The following ADCY10 variants were observed in gnomAD, a reference collection of about 807,000 sequenced individuals.
The protein encoded by ADCY10 is adenylate cyclase type 10.
ADCY10 carries 156 observed loss-of-function variants against 183.3 expected under a neutral mutation model. That is an observed-to-expected ratio of 0.85 (90% CI 0.75 to 0.97). The LOEUF is 0.97. Ranked by LOEUF, ADCY10 falls within the 50% of genes least tolerant of loss-of-function variation. The pLI is 0.00. For missense variants in ADCY10, 1,745 were observed against 1,934.3 expected, an observed-to-expected ratio of 0.90 and a Z score of 1.84; for synonymous variants, 645 against 670.0, an observed-to-expected ratio of 0.96 and a Z score of 0.58.
Position 167,893,956 on chromosome 1 carries a change from G to T in ADCY10, c.740-15C>A. 6.2e-7 allele frequency: 1 copy of T among 1,600,898 alleles called. No homozygotes were observed. The highest frequency in any genetic ancestry group is 2.2e-5 in the East Asian group (1 of 44,732). On this transcript the variant is annotated splice_polypyrimidine_tract_variant and intron_variant, in intron 7 of 32. Coordinates refer to ENST00000367851, the MANE Select transcript of ADCY10 (RefSeq NM_018417.6). The stretch of plus-strand genomic sequence containing the variant: ...CCTCAGGAGGTCTAAGAAGGCAGAA[G>T]GAGGGTGCAGGCTCAGAGAGGGAAG...
chr1:167,856,874 C>G (rs1434788400), intron 16 of ADCY10, among the ~76,000 whole-genome samples: 1 of 152,186 alleles, frequency 6.6e-6, no homozygotes, highest in Admixed American at 6.5e-5. Context: ...TTACTGAGCA[C>G]CCCCTGGGCT....
rs375159922 is a variant in ADCY10, at chr1:167,832,072, A to G, written c.3593+915T>C. Among the ~76,000 whole-genome samples the G allele has an allele frequency of 6.6e-5, 10 of 152,252 alleles. No homozygotes were observed. The East Asian group carries it at 1.9e-3, about 29-fold the overall frequency. ...AAGGAACATGTTTGGAAGCTGGGGA[A>G]GGCAGTTTCTGATGGGGTTGCAAAA... On this transcript the variant is annotated intron_variant, in intron 25 of 32. Transcript: ENST00000367851.
At chr1:167,827,718 AAT>A (rs780764085) in intron 26 of ADCY10, among the ~76,000 whole-genome samples, 6 of 120,352 alleles carry the variant, frequency 5.0e-5, no homozygotes, top group Admixed American at 1.7e-4. Context: ...AAAAAAAAAA[AAT>A]TTTTTTTTTT....
At chr1:167,878,043 A>G (rs1213733356) in intron 12 of ADCY10, among the ~76,000 whole-genome samples, 10 of 152,214 alleles carry the variant, frequency 6.6e-5, no homozygotes, top group Admixed American at 6.5e-4. Flanking sequence ...GTATTTCACT[A>G]AAGACTTAGA....
At chr1:167,905,303 G>A (rs1669737002) in intron 1 of ADCY10, 105 bp from the exon 2 acceptor site, 4 of 873,096 alleles carry the variant, frequency 4.6e-6, no homozygotes. Context: ...TGCTTATAGT[G>A]GTGAAAATGC....
intron 21 of ADCY10, among the ~76,000 whole-genome samples, chr1:167,837,592 C>A (rs528803495): frequency 1.1e-3 from 161 of 152,280 alleles, no homozygotes; most frequent in African/African-American, 3.8e-3. Flanking sequence ...ATTCTAAGAA[C>A]CTGAAGGATA....
At chr1:167,865,047 C>T (rs371049638) in intron 14 of ADCY10, among the ~76,000 whole-genome samples, 5 of 151,766 alleles carry the variant, frequency 3.3e-5, no homozygotes, top group South Asian at 2.1e-4. Flanking sequence ...GAATTATCTG[C>T]GAAAGTCATA....
intron 2 of ADCY10, among the ~76,000 whole-genome samples, 156 bp from the exon 3 acceptor site, chr1:167,904,147 G>C (rs1054209745): frequency 6.7e-6 from 1 of 149,024 alleles, no homozygotes; most frequent in Non-Finnish European, 1.5e-5. Flanking sequence ...GAGGGCAATG[G>C]TGTGATCTCA....
chr1:167,854,154 T>C (rs1665709022), intron 18 of ADCY10, among the ~76,000 whole-genome samples, 199 bp downstream of exon 18: 1 of 152,040 alleles, frequency 6.6e-6, no homozygotes, highest in African/African-American at 2.4e-5. Context: ...AGACAATCTT[T>C]AGCCGAGTCC....
chr1:167,883,149 T>G (rs909902711), intron 9 of ADCY10, among the ~76,000 whole-genome samples: 1 of 152,258 alleles, frequency 6.6e-6, no homozygotes, highest in Non-Finnish European at 1.5e-5. Context: ...GCCATTGTCC[T>G]GCCTCAGCCT....
At chr1:167,830,872 G>A (rs1417766419) in intron 25 of ADCY10, among the ~76,000 whole-genome samples, 2 of 152,148 alleles carry the variant, frequency 1.3e-5, no homozygotes, top group African/African-American at 2.4e-5. Context: ...TTGGAAAGGC[G>A]AATCAGAAAC....
At chr1:167,845,417 G>T in intron 21 of ADCY10, 146 bp downstream of exon 21, 1 of 786,342 alleles carries the variant, frequency 1.3e-6, no homozygotes, top group Non-Finnish European at 2.1e-6. Context: ...TTCCCCATTG[G>T]CCTAGGCTGC....
intron 31 of ADCY10, among the ~76,000 whole-genome samples, chr1:167,811,796 G>A (rs1662227973): frequency 6.6e-6 from 1 of 152,146 alleles, no homozygotes; most frequent in African/African-American, 2.4e-5. Flanking sequence ...ACTCAGACTG[G>A]ACCGGTCTGG....
intron 31 of ADCY10, among the ~76,000 whole-genome samples, chr1:167,817,774 TTAA>T (rs1662619106): frequency 6.6e-6 from 1 of 152,140 alleles, no homozygotes; most frequent in African/African-American, 2.4e-5. Context: ...GAAAAACAAT[TTAA>T]TGACAGGAAA....
Position 167,809,652 on chromosome 1 carries a change from T to C in ADCY10, c.*26A>G. On this transcript the variant is annotated 3_prime_UTR_variant, in exon 33 of 33. Transcript: ENST00000367851. The stretch of plus-strand genomic sequence containing the variant: ...TAGATAATCACAAGGACATAGTGCT[T>C]ATTAAAATCTTTTTTCTTTGACATG... The C allele has an allele frequency of 6.2e-7, 1 of 1,612,526 alleles. No homozygotes were observed. The highest frequency in any genetic ancestry group is 8.5e-7 in the Non-Finnish European group (1 of 1,178,536).
intron 16 of ADCY10, among the ~76,000 whole-genome samples, chr1:167,856,850 T>C (rs1665943581): frequency 6.6e-6 from 1 of 152,226 alleles, no homozygotes; most frequent in African/African-American, 2.4e-5. Context: ...AACCAGCATA[T>C]ATTCAGCACA....
intron 18 of ADCY10, among the ~76,000 whole-genome samples, chr1:167,849,912 T>G (rs191357282): frequency 8.9e-4 from 136 of 152,222 alleles, no homozygotes; most frequent in African/African-American, 2.6e-3. Context: ...CCAGCGTGAC[T>G]AAAGTGCAGG....
At chr1:167,823,570 C>T (rs1027425913) in intron 28 of ADCY10, among the ~76,000 whole-genome samples, 4 of 151,866 alleles carry the variant, frequency 2.6e-5, no homozygotes, top group African/African-American at 9.7e-5. Flanking sequence ...TCAGAATTCA[C>T]CTCTATAAAA....
At chr1:167,862,795 T>G (rs79022566) in intron 14 of ADCY10, among the ~76,000 whole-genome samples, 3 of 152,292 alleles carry the variant, frequency 2.0e-5, no homozygotes, top group African/African-American at 7.2e-5. Flanking sequence ...CTAAGAATAT[T>G]ATAAGATTAA....
Sources: allele counts gnomAD v4.1 joint callset (sites outside exome capture counted in the v4.1 genomes callset), GRCh38; gene constraint gnomAD v4.1.1; transcripts MANE v1.5; gene names NCBI Gene and HGNC (gene_info 2026-07-23, HGNC 2026-07-21).